Variants in CNTNAP5 observed in about 807,000 individuals in gnomAD.
The protein encoded by CNTNAP5 is contactin-associated protein-like 5.
CNTNAP5 carries 72 observed loss-of-function variants against 150.2 expected under a neutral mutation model. The observed-to-expected ratio is 0.48, with a 90% CI of 0.40 to 0.58. CNTNAP5 has a LOEUF of 0.58. Among genes scored for constraint, CNTNAP5 ranks in the 20% least tolerant of loss-of-function variants. The pLI is 0.00. For synonymous variants in CNTNAP5, 672 were observed against 619.8 expected (o/e 1.08, Z -1.25); for missense variants, 1,636 against 1,626.2 (o/e 1.01, Z -0.10).
chr2:124,221,513 G>C (rs1346248506), intron 1 of CNTNAP5, among the ~76,000 whole-genome samples, 192 bp from the exon 2 acceptor site: 1 of 152,080 alleles, frequency 6.6e-6, no homozygotes, highest in Non-Finnish European at 1.5e-5. Flanking sequence ...ATCTGTGAAA[G>C]AAAGCTGGAC....
chr2:124,358,306 G>A (rs1025654892), intron 3 of CNTNAP5, among the ~76,000 whole-genome samples: 57 of 151,906 alleles, frequency 3.8e-4, no homozygotes, highest in Admixed American at 5.3e-4. Context: ...TCCTTCTCCT[G>A]CCTAATTGCC....
intron 4 of CNTNAP5, among the ~76,000 whole-genome samples, chr2:124,426,869 C>A (rs1558897164): frequency 1.3e-5 from 2 of 152,120 alleles, no homozygotes; most frequent in Admixed American, 1.3e-4. Context: ...TCTCAGTACT[C>A]CAGGATGGGG....
At chr2:124,532,839 A>G (rs1425449407) in intron 10 of CNTNAP5, among the ~76,000 whole-genome samples, 1 of 152,304 alleles carries the variant, frequency 6.6e-6, no homozygotes, top group Non-Finnish European at 1.5e-5. Context: ...CAGGTGTTCA[A>G]TTGCATGACT....
intron 21 of CNTNAP5, among the ~76,000 whole-genome samples, chr2:124,889,338 G>T (rs540904712): frequency 6.6e-6 from 1 of 151,698 alleles, no homozygotes. Context: ...TTATCCGCCC[G>T]CCTTGGCCTC....
At chr2:124,629,936 C>CAAAAAAAAAAAAAAAAA (rs70996084) in intron 12 of CNTNAP5, among the ~76,000 whole-genome samples, 8 of 67,756 alleles carry the variant, frequency 1.2e-4, no homozygotes, top group African/African-American at 1.3e-4. Flanking sequence ...CACCTCTATG[C>CAAAAAAAAAAAAAAAAA]AAAAAAAAAA....
chr2:124,376,785 C>G (rs991045260), intron 3 of CNTNAP5, among the ~76,000 whole-genome samples: 3 of 151,390 alleles, frequency 2.0e-5, no homozygotes, highest in African/African-American at 7.3e-5. Flanking sequence ...ACAGAGAGTT[C>G]GGATGGCCCT....
intron 1 of CNTNAP5, among the ~76,000 whole-genome samples, chr2:124,087,702 A>G (rs965353767): frequency 6.6e-6 from 1 of 151,836 alleles, no homozygotes; most frequent in Admixed American, 6.5e-5. Flanking sequence ...AGCCTGGGCG[A>G]CAGAGCGAGA....
At chr2:124,889,926 A>C (rs987268057) in intron 21 of CNTNAP5, among the ~76,000 whole-genome samples, 4 of 152,102 alleles carry the variant, frequency 2.6e-5, no homozygotes, top group Non-Finnish European at 1.5e-5. Flanking sequence ...TTTTAGAAGA[A>C]TTACTGAGTT....
chr2:124,381,354 A>G (rs1447875543), intron 3 of CNTNAP5, among the ~76,000 whole-genome samples: 2 of 152,194 alleles, frequency 1.3e-5, no homozygotes, highest in Non-Finnish European at 2.9e-5. Flanking sequence ...GACAGCAGGC[A>G]GAACAAGTGC....
chr2:124,458,644 C>T (rs760609303), intron 6 of CNTNAP5, among the ~76,000 whole-genome samples: 17 of 152,012 alleles, frequency 1.1e-4, no homozygotes, highest in African/African-American at 4.1e-4. Flanking sequence ...AACCAAACAC[C>T]ACCTGTTCCC....
At chr2:124,632,878 AT>A (rs1309570751) in intron 12 of CNTNAP5, among the ~76,000 whole-genome samples, 1 of 152,118 alleles carries the variant, frequency 6.6e-6, no homozygotes, top group Non-Finnish European at 1.5e-5. Flanking sequence ...AGAAGCAGGC[AT>A]GTCTTACATG....
chr2:124,195,046 T>TAA (rs11386942), intron 1 of CNTNAP5, among the ~76,000 whole-genome samples: 59 of 149,356 alleles, frequency 4.0e-4, no homozygotes, highest in East Asian at 1.4e-3. Context: ...CAGAATTAAA[T>TAA]AAAAAAAAAA....
intron 13 of CNTNAP5, among the ~76,000 whole-genome samples, chr2:124,672,721 A>T (rs1678849532): frequency 6.6e-6 from 1 of 152,252 alleles, no homozygotes; most frequent in East Asian, 1.9e-4. Context: ...ACCAATCAGG[A>T]TGGAATAAAA....
At chr2:124,392,873 G>A (rs913822894) in intron 3 of CNTNAP5, among the ~76,000 whole-genome samples, 2 of 152,070 alleles carry the variant, frequency 1.3e-5, no homozygotes, top group Non-Finnish European at 2.9e-5. Flanking sequence ...AGCACCTTTG[G>A]TTTAACACTC....
At chr2:124,356,604 A>C (rs1229599813) in intron 3 of CNTNAP5, among the ~76,000 whole-genome samples, 1 of 151,784 alleles carries the variant, frequency 6.6e-6, no homozygotes, top group African/African-American at 2.4e-5. Flanking sequence ...CATGATTTCC[A>C]ATTCATCCAT....
chr2:124,209,609 C>T (rs1685953114), intron 1 of CNTNAP5, among the ~76,000 whole-genome samples: 1 of 152,118 alleles, frequency 6.6e-6, no homozygotes, highest in South Asian at 2.1e-4. Context: ...AGACTGTCCT[C>T]CCCTTATCTA....
intron 1 of CNTNAP5, among the ~76,000 whole-genome samples, chr2:124,133,654 T>C (rs1683912447): frequency 6.6e-6 from 1 of 152,146 alleles, no homozygotes. Flanking sequence ...ACTGACTTTC[T>C]GTGGAGCACC....
chr2:124,162,937 C>G (rs1382521308), intron 1 of CNTNAP5, among the ~76,000 whole-genome samples: 2 of 152,026 alleles, frequency 1.3e-5, no homozygotes, highest in African/African-American at 2.4e-5. Context: ...CAGACAGAGT[C>G]CTTTGAAAGA....
intron 17 of CNTNAP5, among the ~76,000 whole-genome samples, chr2:124,777,448 T>A (rs956573339): frequency 3.3e-5 from 5 of 152,094 alleles, no homozygotes; most frequent in Admixed American, 6.5e-5. Context: ...GATCTCAGGA[T>A]CTCAGCTCAC....
Sources: gnomAD v4.1 joint callset for allele counts (sites outside exome capture counted in the v4.1 genomes callset) on GRCh38, gnomAD v4.1.1 for gene constraint, MANE v1.5 for transcripts, NCBI Gene and HGNC (gene_info 2026-07-23, HGNC 2026-07-21) for gene names.